RANBP2: variants seen among roughly 807,000 people sequenced by gnomAD.
RANBP2 encodes the protein RAN binding protein 2.
Under a neutral mutation model 303.6 loss-of-function variants are expected in RANBP2, and 57 were observed. The observed-to-expected ratio is 0.19, with a 90% CI of 0.15 to 0.23. RANBP2 has a LOEUF of 0.23. Ranked by LOEUF, RANBP2 falls within the 10% of genes least tolerant of loss-of-function variation. The pLI is 1.00. For synonymous variants in RANBP2, 1,167 were observed against 1,301.5 expected, an observed-to-expected ratio of 0.90 and a Z score of 2.23; for missense variants, 3,138 against 3,780.8, an observed-to-expected ratio of 0.83 and a Z score of 4.46.
chr2:108,893,901 G>A, the RANBP2 span, among the ~76,000 whole-genome samples: 6 of 152,104 alleles, frequency 3.9e-5, no homozygotes, highest in South Asian at 2.1e-4. Context: ...TCAAAAACAC[G>A]CATAGTTTAC....
the RANBP2 span, among the ~76,000 whole-genome samples, chr2:109,205,687 A>G: frequency 7.0e-4 from 106 of 152,330 alleles, no homozygotes; most frequent in African/African-American, 2.4e-3. Context: ...TATCTGCCCT[A>G]GATCTCTGGG....
the RANBP2 span, among the ~76,000 whole-genome samples, chr2:109,259,689 A>G: frequency 1.3e-5 from 2 of 152,236 alleles, no homozygotes; most frequent in African/African-American, 4.8e-5. Context: ...CTCACGGCCT[A>G]CGGAAGAAGA....
the RANBP2 span, among the ~76,000 whole-genome samples, chr2:108,830,072 A>C: frequency 6.6e-6 from 1 of 152,228 alleles, no homozygotes; most frequent in Non-Finnish European, 1.5e-5. Context: ...ATACATACAC[A>C]AGACTATTAT....
chr2:109,398,154 G>C, the RANBP2 span, among the ~76,000 whole-genome samples: 226 of 152,202 alleles, frequency 1.5e-3, no homozygotes, highest in African/African-American at 5.2e-3. Flanking sequence ...AATCTCCTCC[G>C]GGGACCTGCA....
the RANBP2 span, among the ~76,000 whole-genome samples, chr2:109,554,445 G>A: frequency 6.6e-6 from 1 of 152,118 alleles, no homozygotes; most frequent in Non-Finnish European, 1.5e-5. Context: ...ATGGGTGGCT[G>A]GAGCCTATCC....
the RANBP2 span, among the ~76,000 whole-genome samples, chr2:109,553,432 T>C: frequency 1.3e-5 from 2 of 150,564 alleles, no homozygotes; most frequent in Non-Finnish European, 2.9e-5. Context: ...TAATCCCAGC[T>C]ACATGGGAGG....
chr2:108,968,133 T>C, the RANBP2 span, among the ~76,000 whole-genome samples: 1 of 152,272 alleles, frequency 6.6e-6, no homozygotes, highest in East Asian at 1.9e-4. Context: ...AGCCACCACC[T>C]GGGGAAGGCG....
the RANBP2 span, among the ~76,000 whole-genome samples, chr2:109,622,338 A>G: frequency 6.6e-6 from 1 of 152,250 alleles, no homozygotes; most frequent in Non-Finnish European, 1.5e-5. Context: ...CTTTGGGAAC[A>G]TAAGAGACAG....
chr2:109,335,337 A>G, the RANBP2 span, among the ~76,000 whole-genome samples: 1 of 152,120 alleles, frequency 6.6e-6, no homozygotes, highest in Non-Finnish European at 1.5e-5. Context: ...TTCCACATTG[A>G]AAACTCTCAA....
the RANBP2 span, among the ~76,000 whole-genome samples, chr2:109,577,932 AAAG>A: frequency 2.6e-5 from 4 of 151,484 alleles, no homozygotes; most frequent in Admixed American, 2.0e-4. Flanking sequence ...AAAAAAAAAA[AAAG>A]AGTTAATATA....
chr2:109,714,852 C>T, the RANBP2 span, among the ~76,000 whole-genome samples: 2 of 151,736 alleles, frequency 1.3e-5, no homozygotes, highest in African/African-American at 4.8e-5. Flanking sequence ...TCAGGTGATC[C>T]ACCTGCCTTG....
In RANBP2 at chr2:108,754,980, G is replaced by C. The variant is rs748311571; in HGVS notation, c.2278G>C (p.Gly760Arg). ...MQELEDYSEGGPLYKNGSLRN... is the reference protein window; with the variant it reads ...MQELEDYSEGRPLYKNGSLRN... ...GGAACTCGAAGACTATAGTGAAGGA[G>C]GTCCTCTCTATAAAAATGGTTCTTT... The change falls in exon 16 of 29, where the codon GGT becomes CGT. Residue 760 changes from glycine (G) to arginine (R), a missense_variant. Physicochemically the swap from Gly to Arg is moderately radical, Grantham distance 125 (BLOSUM62 -2). Around this residue, in one of 20 missense-constraint regions of RANBP2, gnomAD observed 194 missense variants for 197.4 expected, o/e 0.98. Transcript: ENST00000283195. The C allele has an allele frequency of 2.3e-5, 37 of 1,611,670 alleles. No individual in the cohort carries two copies. The highest frequency in any genetic ancestry group is 3.1e-5 in the Non-Finnish European group (37 of 1,179,796).
chr2:109,503,080 A>G, the RANBP2 span: 1 of 152,178 alleles, frequency 6.6e-6, no homozygotes, highest in African/African-American at 2.4e-5. Flanking sequence ...ATGTATATTC[A>G]TTAGCACCAT....
chr2:109,394,720 A>G, the RANBP2 span, among the ~76,000 whole-genome samples: 1 of 152,246 alleles, frequency 6.6e-6, no homozygotes, highest in Non-Finnish European at 1.5e-5. Context: ...ACATGCAGAT[A>G]GAGCCACTGG....
chr2:109,611,195 G>T, the RANBP2 span, among the ~76,000 whole-genome samples: 1 of 151,978 alleles, frequency 6.6e-6, no homozygotes, highest in Admixed American at 6.6e-5. Context: ...CTCAAAATGG[G>T]TCATAACATA....
chr2:109,360,163 A>G, the RANBP2 span, among the ~76,000 whole-genome samples: 174 of 152,290 alleles, frequency 1.1e-3, no homozygotes, highest in African/African-American at 4.1e-3. Context: ...GCTGTTGTTT[A>G]ACAGCTGATA....
the RANBP2 span, among the ~76,000 whole-genome samples, chr2:108,941,645 C>G: frequency 1.3e-5 from 2 of 152,204 alleles, no homozygotes; most frequent in Non-Finnish European, 2.9e-5. Context: ...CACCCAGGGA[C>G]TAGTTCTCAA....
In RANBP2 at chr2:108,765,749, A is replaced by G. The variant is rs941661906; in HGVS notation, c.5210A>G (p.Asn1737Ser). 3.1e-6 allele frequency: 5 copies of G among 1,614,044 alleles called. No individual in the cohort carries two copies. Among genetic ancestry groups the G allele is most frequent in the South Asian group, 1.1e-5 (1 of 91,086 alleles). ...GATTGCAGTGTGTGCTTAGTAAGAAATGAAGCCAGTGCTACCAAATGTATT... is the reference window on the plus strand; with the variant it reads ...GATTGCAGTGTGTGCTTAGTAAGAAGTGAAGCCAGTGCTACCAAATGTATT... ...QWDCSVCLVR[N>S]EASATKCIAC... Residue 1737 changes from asparagine to serine, a missense_variant, in exon 20 of 29, where the codon AAT becomes AGT. By Grantham distance (46) the Asn-to-Ser change is conservative. Transcript: ENST00000283195.
intron 23 of RANBP2, 31 bp downstream of exon 23, chr2:108,773,077 A>G: frequency 6.3e-7 from 1 of 1,580,442 alleles, no homozygotes; most frequent in Non-Finnish European, 8.6e-7. Flanking sequence ...TTTTCCTTCT[A>G]GTTCCATTGC....
Sources: allele counts gnomAD v4.1 joint callset (sites outside exome capture counted in the v4.1 genomes callset), GRCh38; gene constraint gnomAD v4.1.1; regional missense constraint gnomAD v4.1.1; transcripts MANE v1.5; gene names NCBI Gene and HGNC (gene_info 2026-07-23, HGNC 2026-07-21).